The following RELN variants were observed in gnomAD, a reference collection of about 807,000 sequenced individuals.
The protein encoded by RELN is reelin.
RELN carries 108 observed loss-of-function variants against 427.6 expected under a neutral mutation model. The ratio of observed to expected loss-of-function variants is 0.25; its 90% CI spans 0.22 to 0.30. The LOEUF (loss-of-function observed/expected upper bound fraction) is 0.30, where lower values mean the gene tolerates loss of function less well. Ranked by LOEUF, RELN falls within the 10% of genes least tolerant of loss-of-function variation. The pLI is 1.00. For missense variants in RELN, 3,715 were observed against 4,302.8 expected, an observed-to-expected ratio of 0.86 and a Z score of 3.82; for synonymous variants, 1,524 against 1,513.4, an observed-to-expected ratio of 1.01 and a Z score of -0.16.
chr7:103,583,373 G>A (rs1415833716), intron 28 of RELN, among the ~76,000 whole-genome samples: 1 of 152,148 alleles, frequency 6.6e-6, no homozygotes, highest in African/African-American at 2.4e-5. Flanking sequence ...TCCTATTGAT[G>A]CTGTCTCTCT....
chr7:103,708,706 G>A (rs774568305), intron 8 of RELN, among the ~76,000 whole-genome samples: 2 of 151,846 alleles, frequency 1.3e-5, no homozygotes, highest in Non-Finnish European at 1.5e-5. Context: ...CTCGTGATCC[G>A]CCCGTCTTGG....
At chr7:103,552,260 A>G (rs1027897013) in intron 40 of RELN, among the ~76,000 whole-genome samples, 3 of 152,158 alleles carry the variant, frequency 2.0e-5, no homozygotes, top group South Asian at 4.1e-4. Flanking sequence ...TCTATAAAAA[A>G]TTTCCCCTCT....
At chr7:103,937,822 G>T (rs901707248) in intron 1 of RELN, among the ~76,000 whole-genome samples, 1 of 152,184 alleles carries the variant, frequency 6.6e-6, no homozygotes, top group Non-Finnish European at 1.5e-5. Context: ...AGCTGTTCGT[G>T]TAACACAAGA....
intron 2 of RELN, among the ~76,000 whole-genome samples, chr7:103,858,059 G>A: frequency 6.6e-6 from 1 of 151,752 alleles, no homozygotes; most frequent in Admixed American, 6.6e-5. Context: ...GTTAACTATG[G>A]CATCTGAATA....
rs189341170 is a variant in RELN, at chr7:103,584,231, G to A, written c.4145+5365C>T. 3.3e-5 allele frequency among the ~76,000 whole-genome samples: 5 copies of A among 152,280 alleles called. No homozygotes were observed. The East Asian group carries it at 9.7e-4, about 29-fold the overall frequency. ...TCACATATCAGTATTAGCCTTGAAC[G>A]TAATGGGCTAAATCCTCAACTAGGA... On this transcript the variant is annotated intron_variant, in intron 28 of 64. Transcript: ENST00000428762.
chr7:103,861,020 AC>A (rs1252405780), intron 2 of RELN, among the ~76,000 whole-genome samples: 45 of 152,318 alleles, frequency 3.0e-4, no homozygotes, highest in African/African-American at 1.0e-3. Context: ...ATATTAAAGC[AC>A]AAGACAGAAG....
intron 5 of RELN, among the ~76,000 whole-genome samples, chr7:103,751,098 C>T (rs1019113880): frequency 6.6e-6 from 1 of 152,124 alleles, no homozygotes; most frequent in Non-Finnish European, 1.5e-5. Flanking sequence ...TTTAACAATG[C>T]TCTCATCTGA....
chr7:103,886,361 T>C (rs987561276), intron 2 of RELN, among the ~76,000 whole-genome samples: 2 of 152,180 alleles, frequency 1.3e-5, no homozygotes, highest in Non-Finnish European at 2.9e-5. Flanking sequence ...TTAAAGGATA[T>C]CCAACTGAAA....
chr7:103,776,510 C>T (rs1306706421), intron 4 of RELN, 47 bp downstream of exon 4: 3 of 1,581,746 alleles, frequency 1.9e-6, no homozygotes, highest in African/African-American at 2.7e-5. Context: ...CAGGACCTAC[C>T]ATGAATAGTT....
intron 22 of RELN, 48 bp downstream of exon 22, chr7:103,610,647 G>T (rs1186219382): frequency 4.3e-6 from 4 of 924,548 alleles, no homozygotes; most frequent in Non-Finnish European, 3.6e-6. Flanking sequence ...GAATCAAAAG[G>T]GATAGTCAAA....
chr7:103,790,212 A>G (rs949661497), intron 3 of RELN, among the ~76,000 whole-genome samples: 1 of 152,142 alleles, frequency 6.6e-6, no homozygotes, highest in African/African-American at 2.4e-5. Context: ...GAGTGATAGC[A>G]TTGGGAGAAA....
intron 22 of RELN, among the ~76,000 whole-genome samples, chr7:103,610,382 T>C (rs957375619): frequency 7.2e-5 from 11 of 152,264 alleles, no homozygotes; most frequent in African/African-American, 2.6e-4. Flanking sequence ...TTTTTGTATG[T>C]CAAACTGAAA....
intron 12 of RELN, among the ~76,000 whole-genome samples, chr7:103,656,147 C>A (rs1833018201): frequency 6.6e-6 from 1 of 151,992 alleles, no homozygotes; most frequent in African/African-American, 2.4e-5. Flanking sequence ...TATGACACAT[C>A]TTATTTCATC....
At chr7:103,681,905 T>C (rs146958797) in intron 11 of RELN, among the ~76,000 whole-genome samples, 2 of 152,320 alleles carry the variant, frequency 1.3e-5, no homozygotes, top group East Asian at 3.9e-4. Flanking sequence ...CTTAAAAGCA[T>C]TTGCAATCAC....
intron 20 of RELN, among the ~76,000 whole-genome samples, chr7:103,622,201 C>G (rs999310787): frequency 3.7e-4 from 56 of 152,310 alleles, no homozygotes; most frequent in African/African-American, 1.3e-3. Context: ...TTAGAGAACT[C>G]TAACTTTGGA....
At chr7:103,689,315 T>TC in intron 10 of RELN, among the ~76,000 whole-genome samples, 1 of 151,744 alleles carries the variant, frequency 6.6e-6, no homozygotes, top group Non-Finnish European at 1.5e-5. Context: ...TTCTTAAAAA[T>TC]AAAAAAAATG....
chr7:103,906,420 T>C (rs1795205352), intron 2 of RELN, among the ~76,000 whole-genome samples: 1 of 152,190 alleles, frequency 6.6e-6, no homozygotes, highest in Non-Finnish European at 1.5e-5. Context: ...TAGCAAGTGC[T>C]TGATAATGTT....
At chr7:103,629,021 G>T (rs149353403) in intron 20 of RELN, among the ~76,000 whole-genome samples, 2 of 152,222 alleles carry the variant, frequency 1.3e-5, no homozygotes, top group African/African-American at 4.8e-5. Context: ...GGTCACTCTC[G>T]CCTGGGGGAA....
chr7:103,876,657 C>T (rs916315141), intron 2 of RELN, among the ~76,000 whole-genome samples: 3 of 152,090 alleles, frequency 2.0e-5, no homozygotes, highest in South Asian at 2.1e-4. Flanking sequence ...TACTAATCTC[C>T]GTCTAAAAAG....
Sources: gnomAD v4.1 joint callset for allele counts (sites outside exome capture counted in the v4.1 genomes callset) on GRCh38, gnomAD v4.1.1 for gene constraint, MANE v1.5 for transcripts, NCBI Gene and HGNC (gene_info 2026-07-23, HGNC 2026-07-21) for gene names.